Variants in GUCY1A2 observed in about 807,000 individuals in gnomAD.
The protein encoded by GUCY1A2 is guanylate cyclase 1 soluble subunit alpha 2, also known as guanylate cyclase soluble subunit alpha-2.
GUCY1A2 carries 27 observed loss-of-function variants against 63.5 expected under a neutral mutation model. The ratio of observed to expected loss-of-function variants is 0.43; its 90% CI spans 0.31 to 0.59. The LOEUF (loss-of-function observed/expected upper bound fraction) is 0.59. Among genes scored for constraint, GUCY1A2 ranks in the 20% least tolerant of loss-of-function variants. GUCY1A2 has a pLI of 0.11. For synonymous variants in GUCY1A2, 364 were observed against 343.5 expected (o/e 1.06, Z -0.66); for missense variants, 768 against 913.3 (o/e 0.84, Z 2.05).
At position 106,681,827 on chromosome 11, in the gene GUCY1A2, C is replaced by T. The variant is rs772673637; in HGVS notation, c.*5722G>A. 8 of 216,720 alleles carry T rather than the reference C, an allele frequency of 3.7e-5. No individual in the cohort carries two copies. The highest frequency in any genetic ancestry group is 3.7e-4 in the South Asian group (2 of 5,380). The allele number at this position is 216,720 out of a possible 1,614,324, so 13.4% of individuals were successfully genotyped here. The stretch of plus-strand genomic sequence containing the variant: ...AATTATTGCTTGAAAGGTTGTTACA[C>T]GGTATTGCTTGGAAATCAGTTTTCA... On this transcript the variant is annotated 3_prime_UTR_variant, in exon 8 of 8. Coordinates refer to ENST00000526355, the MANE Select transcript of GUCY1A2 (RefSeq NM_000855.3).
At chr11:106,715,416 T>C (rs1863197243) in intron 6 of GUCY1A2, among the ~76,000 whole-genome samples, 1 of 152,166 alleles carries the variant, frequency 6.6e-6, no homozygotes, top group Non-Finnish European at 1.5e-5. Flanking sequence ...CTCTAGATCT[T>C]AGTTCACTTG....
intron 5 of GUCY1A2, among the ~76,000 whole-genome samples, chr11:106,802,391 T>C (rs1858618943): frequency 6.6e-6 from 1 of 152,188 alleles, no homozygotes; most frequent in Non-Finnish European, 1.5e-5. Flanking sequence ...ATTAACTCTA[T>C]AAGGCTAATG....
chr11:106,847,324 C>T (rs1859289989), intron 4 of GUCY1A2, among the ~76,000 whole-genome samples: 2 of 149,886 alleles, frequency 1.3e-5, no homozygotes, highest in African/African-American at 4.9e-5. Flanking sequence ...ATTTATGATT[C>T]TACATGTGAT....
chr11:106,680,654 A>T lies in GUCY1A2; in HGVS notation c.*6895T>A, dbSNP rs746044247. On this transcript the variant is annotated 3_prime_UTR_variant, in exon 8 of 8. Transcript: ENST00000526355. ...AGGATTTAAGGATCCAGTGATATAC[A>T]AGAGGATAATTGTCAAAGCCTCAGT... The T allele has an allele frequency of 1.3e-4, 27 of 200,482 alleles. No individual in the cohort carries two copies. Among genetic ancestry groups the T allele is most frequent in the Non-Finnish European group, 2.5e-4 (24 of 97,256 alleles). 12.4% of individuals were successfully genotyped at this position (200,482 alleles called of 1,614,324 possible).
chr11:106,820,800 T>G (rs1858891594), intron 4 of GUCY1A2, among the ~76,000 whole-genome samples: 1 of 152,216 alleles, frequency 6.6e-6, no homozygotes. Flanking sequence ...GGATATTAAC[T>G]CAAGGCTAAT....
intron 4 of GUCY1A2, among the ~76,000 whole-genome samples, chr11:106,870,539 T>C (rs1859662729): frequency 6.6e-6 from 1 of 152,088 alleles, no homozygotes; most frequent in Non-Finnish European, 1.5e-5. Flanking sequence ...TATGTTTTTG[T>C]TGTTGTTGTT....
rs532898562 is a variant in GUCY1A2, at chr11:107,013,993, A to G, written c.303+3760T>C. On this transcript the variant is annotated intron_variant, in intron 1 of 7. Coordinates refer to ENST00000526355, the MANE Select transcript of GUCY1A2 (RefSeq NM_000855.3). ...CAATATTTTTTAAATAATTGGGTGG[A>G]TTAAATAGCATTTTGGTGCCCCTAT... Among the ~76,000 whole-genome samples, 5 of 150,038 alleles carry G rather than the reference A, an allele frequency of 3.3e-5. No individual in the cohort carries two copies. In the South Asian group the frequency reaches 1.1e-3, roughly 32 times the overall value.
Position 106,892,583 on chromosome 11 carries a change from G to A in GUCY1A2, c.1206+46877C>T, listed in dbSNP as rs370134309. Among the ~76,000 whole-genome samples the A allele has an allele frequency of 2.0e-3, 311 of 152,116 alleles. 3 individuals are homozygous for A. The highest frequency in any genetic ancestry group is 8.3e-3 in the South Asian group (40 of 4,824). ...TATCAAGTTAGCTAGCCCTAGCGTCGCACCCACAGGAGTTTCCAAGTTTAT... is the reference window on the plus strand; with the variant it reads ...TATCAAGTTAGCTAGCCCTAGCGTCACACCCACAGGAGTTTCCAAGTTTAT... On this transcript the variant is annotated intron_variant, in intron 4 of 7. Coordinates refer to ENST00000526355, the MANE Select transcript of GUCY1A2 (RefSeq NM_000855.3).
intron 6 of GUCY1A2, among the ~76,000 whole-genome samples, chr11:106,759,793 G>A (rs1270525143): frequency 6.6e-6 from 1 of 152,198 alleles, no homozygotes; most frequent in Non-Finnish European, 1.5e-5. Flanking sequence ...AAATTAGCCA[G>A]TCGTTGGGGC....
intron 5 of GUCY1A2, among the ~76,000 whole-genome samples, chr11:106,803,008 C>T (rs1354565063): frequency 6.6e-5 from 10 of 152,222 alleles, no homozygotes; most frequent in African/African-American, 1.9e-4. Context: ...ACAAAAACCT[C>T]AAAACACTTT....
At chr11:106,710,398 A>G (rs1863095747) in intron 6 of GUCY1A2, among the ~76,000 whole-genome samples, 1 of 133,966 alleles carries the variant, frequency 7.5e-6, no homozygotes, top group South Asian at 2.2e-4. Context: ...ATATAGTTAT[A>G]TATTATATAC....
intron 4 of GUCY1A2, among the ~76,000 whole-genome samples, chr11:106,816,698 A>G (rs1358478483): frequency 3.3e-5 from 5 of 151,968 alleles, no homozygotes; most frequent in Non-Finnish European, 5.9e-5. Context: ...TAAAATCAGT[A>G]AAGTCTAGCA....
intron 4 of GUCY1A2, among the ~76,000 whole-genome samples, chr11:106,878,782 TAA>T (rs372754272): frequency 9.4e-5 from 13 of 137,944 alleles, no homozygotes; most frequent in Admixed American, 2.2e-4. Flanking sequence ...ACTTAAAAGT[TAA>T]AAAAAAAAAA....
intron 1 of GUCY1A2, among the ~76,000 whole-genome samples, chr11:107,008,435 C>T (rs961534295): frequency 6.6e-5 from 10 of 152,070 alleles, no homozygotes; most frequent in African/African-American, 2.4e-4. Flanking sequence ...TAACTATATT[C>T]CCGTTTATGT....
intron 6 of GUCY1A2, among the ~76,000 whole-genome samples, chr11:106,753,111 T>A (rs1863912369): frequency 1.3e-5 from 2 of 152,242 alleles, no homozygotes; most frequent in African/African-American, 2.4e-5. Flanking sequence ...ATTTCTCTAA[T>A]GACAAGTGAT....
intron 4 of GUCY1A2, among the ~76,000 whole-genome samples, chr11:106,838,368 T>C (rs1463712965): frequency 6.6e-6 from 1 of 151,994 alleles, no homozygotes; most frequent in Non-Finnish European, 1.5e-5. Context: ...TCAATCAATG[T>C]ATGAATGAAT....
chr11:106,682,180 T>A lies in GUCY1A2; in HGVS notation c.*5369A>T, dbSNP rs1862443575. 1 of 211,082 alleles carries A rather than the reference T, an allele frequency of 4.7e-6. No homozygotes were observed. Among genetic ancestry groups the A allele is most frequent in the African/African-American group, 2.3e-5 (1 of 43,346 alleles). The allele number at this position is 211,082 out of a possible 1,614,324, so 13.1% of individuals were successfully genotyped here. On this transcript the variant is annotated 3_prime_UTR_variant, in exon 8 of 8. Coordinates refer to ENST00000526355, the MANE Select transcript of GUCY1A2 (RefSeq NM_000855.3). ...CATGCTCAGAAAGAAGACCACAAATTGGAAATCAAAGCTAAAATTAAAATT... is the reference window on the plus strand; with the variant it reads ...CATGCTCAGAAAGAAGACCACAAATAGGAAATCAAAGCTAAAATTAAAATT...
intron 4 of GUCY1A2, among the ~76,000 whole-genome samples, chr11:106,897,283 A>G (rs980728886): frequency 6.6e-6 from 1 of 152,176 alleles, no homozygotes; most frequent in African/African-American, 2.4e-5. Context: ...CACTTGCTCT[A>G]TAGATTCAAT....
At chr11:107,009,997 C>T (rs1861721825) in intron 1 of GUCY1A2, among the ~76,000 whole-genome samples, 1 of 152,196 alleles carries the variant, frequency 6.6e-6, no homozygotes, top group Non-Finnish European at 1.5e-5. Flanking sequence ...TGCATTCTAA[C>T]AATTTTCCTC....
Sources: allele counts gnomAD v4.1 joint callset (sites outside exome capture counted in the v4.1 genomes callset), GRCh38; gene constraint gnomAD v4.1.1; transcripts MANE v1.5; gene names NCBI Gene and HGNC (gene_info 2026-07-23, HGNC 2026-07-21).